Variants in RANBP3 observed in about 807,000 individuals in gnomAD.
RANBP3 encodes ran-binding protein 3.
In RANBP3, 14 loss-of-function variants were observed where a neutral mutation model predicts 77.3. The observed-to-expected ratio is 0.18, with a 90% CI of 0.12 to 0.28. The LOEUF is 0.28. Ranked by LOEUF, RANBP3 falls within the 10% of genes least tolerant of loss-of-function variation. The pLI, the probability that RANBP3 is intolerant of heterozygous loss-of-function variation, is 1.00. For missense variants in RANBP3, 586 were observed against 752.3 expected (o/e 0.78, Z 2.59); for synonymous variants, 315 against 312.4 (o/e 1.01, Z -0.09).
In RANBP3 at chr19:5,917,235, G is replaced by A; in HGVS notation, c.*375C>T. ...AGGGCCCCACAGCAGGGTGGGAAGG[G>A]TGTGGGTGGCGGAGAAGCCAGGGGC... On this transcript the variant is annotated 3_prime_UTR_variant, in exon 17 of 17. Transcript: ENST00000340578. 1 of 350,416 alleles carries A rather than the reference G, an allele frequency of 2.9e-6. No homozygotes were observed. The highest frequency in any genetic ancestry group is 5.4e-6 in the Non-Finnish European group (1 of 184,716). 21.7% of individuals were successfully genotyped at this position (350,416 alleles called of 1,614,324 possible).
chr19:5,918,295 G>T, intron 15 of RANBP3: 1 of 683,472 alleles, frequency 1.5e-6, no homozygotes, highest in East Asian at 2.8e-5. Context: ...GGCTTCTCTG[G>T]GTTGAGAAGA....
At chr19:5,973,094 C>T (rs2058549237) in intron 1 of RANBP3, among the ~76,000 whole-genome samples, 1 of 152,208 alleles carries the variant, frequency 6.6e-6, no homozygotes, top group Non-Finnish European at 1.5e-5. Context: ...ACAGGAGGCA[C>T]AGTGGAGGTG....
chr19:5,971,778 G>A (rs969943193), intron 1 of RANBP3, among the ~76,000 whole-genome samples: 2 of 152,200 alleles, frequency 1.3e-5, no homozygotes, highest in African/African-American at 4.8e-5. Flanking sequence ...CACTCTAAGT[G>A]TAGAGAATGC....
intron 1 of RANBP3, chr19:5,962,775 C>T (rs1271890339): frequency 4.4e-6 from 2 of 455,818 alleles, no homozygotes; most frequent in Non-Finnish European, 8.8e-6. Context: ...TGATCAACTG[C>T]AAATCAGCAC....
Position 5,925,691 on chromosome 19 carries a change from T to A in RANBP3, c.860A>T (p.His287Leu). Residue 287 changes from histidine (H) to leucine (L), a missense_variant, in exon 10 of 17, where the codon CAC becomes CTC. Physicochemically the swap from His to Leu is moderately conservative, Grantham distance 99. Transcript: ENST00000340578. The part of the protein sequence containing the change: ...VDEADMENAG[H>L]PSADTPTATN... ...TGCGGTTGGCGTGTCTGCGCTGGGG[T>A]GTCCAGCATTCTCCATGTCGGCTTC... is the stretch of plus-strand genomic sequence containing the variant. The A allele has an allele frequency of 6.2e-7, 1 of 1,613,016 alleles. No homozygotes were observed. Among genetic ancestry groups the A allele is most frequent in the Non-Finnish European group, 8.5e-7 (1 of 1,179,860 alleles).
chr19:5,971,389 C>T (rs2058528604), intron 1 of RANBP3, among the ~76,000 whole-genome samples: 1 of 151,912 alleles, frequency 6.6e-6, no homozygotes, highest in South Asian at 2.1e-4. Flanking sequence ...GCTTTGAACT[C>T]CTGGGCTCAA....
Position 5,923,904 on chromosome 19 carries a change from T to A in RANBP3, c.1007A>T (p.Lys336Ile). The part of the protein sequence containing the change: ...NMSERVLSPP[K>I]LNEVSSDANR... Reference sequence around the variant, plus strand: ...GGCATCTGAACTGACCTCGTTTAATTTTGGGGGGCTCTGCAGGGACACAAA... The same window carrying A: ...GGCATCTGAACTGACCTCGTTTAATATTGGGGGGCTCTGCAGGGACACAAA... Residue 336 changes from lysine to isoleucine, a missense_variant, in exon 12 of 17, where the codon AAA (lysine) becomes ATA (isoleucine). Coordinates refer to ENST00000340578, the MANE Select transcript of RANBP3 (RefSeq NM_007322.3). The A allele has an allele frequency of 3.7e-6, 6 of 1,613,930 alleles. No homozygotes were observed. Among genetic ancestry groups the A allele is most frequent in the Non-Finnish European group, 1.7e-6 (2 of 1,179,846 alleles).
chr19:5,921,034 G>A lies in RANBP3; in HGVS notation c.1330+167C>T, dbSNP rs2057811235. On this transcript the variant is annotated intron_variant, in intron 14 of 16. Coordinates refer to ENST00000340578, the MANE Select transcript of RANBP3 (RefSeq NM_007322.3). The surrounding 1 kb of genome is among the most constrained non-coding windows in gnomAD (Gnocchi z 5.3). ...GTGTGAGGGTGGTGTTGAGGGCTGG[G>A]TGCAGGGAGGGGGTTTGGGGGGCGG... 2.7e-6 allele frequency: 2 copies of A among 740,108 alleles called. No homozygotes were observed. Among genetic ancestry groups the A allele is most frequent in the Admixed American group, 3.4e-5 (1 of 29,306 alleles). 45.8% of individuals were successfully genotyped at this position (740,108 alleles called of 1,614,324 possible). A position where few individuals can be genotyped will look rare whatever the true frequency, so the allele number is the denominator to read the frequency against.
intron 12 of RANBP3, 119 bp downstream of exon 12, chr19:5,923,693 G>T: frequency 1.4e-6 from 1 of 734,310 alleles, no homozygotes; most frequent in Non-Finnish European, 2.3e-6. Context: ...GTTCACATGT[G>T]GTTGTTACTG....
chr19:5,953,475 A>ATACTGTACTTTCTGGTGG (rs1421263041), intron 2 of RANBP3, among the ~76,000 whole-genome samples: 4 of 152,172 alleles, frequency 2.6e-5, no homozygotes, highest in Non-Finnish European at 4.4e-5. Context: ...ATTTTCAGTG[A>ATACTGTACTTTCTGGTGG]TACTGTACTT....
intron 8 of RANBP3, among the ~76,000 whole-genome samples, chr19:5,930,054 C>T (rs1397155487): frequency 5.3e-5 from 8 of 152,228 alleles, no homozygotes; most frequent in African/African-American, 1.7e-4. Flanking sequence ...AACAAGCTCT[C>T]GGTAGCGGGT....
intron 3 of RANBP3, among the ~76,000 whole-genome samples, chr19:5,949,680 T>G (rs1375754527): frequency 6.6e-6 from 1 of 152,104 alleles, no homozygotes; most frequent in Non-Finnish European, 1.5e-5. Flanking sequence ...CACCTGCCAG[T>G]GTGGGGGACT....
At chr19:5,949,841 C>T (rs529100037) in intron 3 of RANBP3, among the ~76,000 whole-genome samples, 3 of 152,120 alleles carry the variant, frequency 2.0e-5, no homozygotes, top group Non-Finnish European at 4.4e-5. Flanking sequence ...GTGAGAAGTA[C>T]GCAGGGCACA....
chr19:5,969,808 C>A (rs2058509873), intron 1 of RANBP3, among the ~76,000 whole-genome samples: 1 of 152,260 alleles, frequency 6.6e-6, no homozygotes, highest in African/African-American at 2.4e-5. Context: ...GGTCCTCACC[C>A]TGGACCAGAG....
chr19:5,962,022 T>A (rs1156937491), intron 1 of RANBP3, among the ~76,000 whole-genome samples: 1 of 152,034 alleles, frequency 6.6e-6, no homozygotes, highest in Admixed American at 6.6e-5. Context: ...GTGAGAGGCG[T>A]GCCTGCCCTG....
intron 1 of RANBP3, among the ~76,000 whole-genome samples, chr19:5,974,639 C>A (rs1297277878): frequency 1.3e-5 from 2 of 152,030 alleles, no homozygotes; most frequent in Non-Finnish European, 2.9e-5. Flanking sequence ...GTGACGAGGG[C>A]CAACAAGATG....
intron 5 of RANBP3, 69 bp downstream of exon 5, chr19:5,941,552 G>A (rs879889949): frequency 7.9e-5 from 106 of 1,341,882 alleles, no homozygotes; most frequent in Middle Eastern, 2.6e-4. Flanking sequence ...ACGGATGCGC[G>A]GCACTGAGGG....
chr19:5,962,069 C>T (rs542455907), intron 1 of RANBP3, among the ~76,000 whole-genome samples: 41 of 152,076 alleles, frequency 2.7e-4, no homozygotes, highest in Non-Finnish European at 4.6e-4. Flanking sequence ...TATCCTGCCA[C>T]GGGGCACGCG....
At chr19:5,946,774 A>C (rs567453371) in intron 3 of RANBP3, among the ~76,000 whole-genome samples, 1 of 152,248 alleles carries the variant, frequency 6.6e-6, no homozygotes, top group East Asian at 1.9e-4. Context: ...CAAAGCAGGA[A>C]ATGGTTTGGG....
Sources: allele counts gnomAD v4.1 joint callset (sites outside exome capture counted in the v4.1 genomes callset), GRCh38; gene constraint gnomAD v4.1.1; non-coding constraint Gnocchi (gnomAD v3.1); transcripts MANE v1.5; gene names NCBI Gene and HGNC (gene_info 2026-07-23, HGNC 2026-07-21).